Variants in ASS1 observed in about 807,000 individuals in gnomAD.
The protein encoded by ASS1 is argininosuccinate synthase.
A neutral mutation model predicts 60.5 loss-of-function variants in ASS1; 58 were observed. That is an observed-to-expected ratio of 0.96 (90% CI 0.78 to 1.19). The LOEUF is 1.19. ASS1 is among the 50% of genes most tolerant of loss of function. ASS1 has a pLI of 0.00. For synonymous variants in ASS1, 200 were observed against 206.9 expected, an observed-to-expected ratio of 0.97 and a Z score of 0.29; for missense variants, 454 against 547.3, an observed-to-expected ratio of 0.83 and a Z score of 1.70.
rs1257721979 is a variant in ASS1 at position 130,470,989 on chromosome 9, C to A, written c.566+85C>A. The A allele has an allele frequency of 2.7e-6, 4 of 1,484,572 alleles. No individual in the cohort carries two copies. In the African/African-American group the frequency reaches 4.2e-5, roughly 15 times the overall value. The allele number at this position is 1,484,572 out of a possible 1,614,324, so 92.0% of individuals were successfully genotyped here. ...GCGCTGCCCCAGGACGTCCTGGTGA[C>A]CCCCACACCAGTGGTCCCTGCCCTC... On this transcript the variant is annotated intron_variant, in intron 7 of 14. Coordinates refer to ENST00000352480, the MANE Select transcript of ASS1 (RefSeq NM_054012.4). This position sits in a 1 kb window ranked among gnomAD's most constrained non-coding sequence, Gnocchi z 4.3.
At chr9:130,493,021 CCTGT>C (rs1846486595) in intron 12 of ASS1, among the ~76,000 whole-genome samples, 1 of 152,192 alleles carries the variant, frequency 6.6e-6, no homozygotes, top group Admixed American at 6.5e-5. Context: ...CCATCTCCTG[CCTGT>C]CTTCCGGCCT....
intron 12 of ASS1, among the ~76,000 whole-genome samples, chr9:130,492,992 C>A (rs1846486070): frequency 6.6e-6 from 1 of 152,196 alleles, no homozygotes. Flanking sequence ...CCACAGAGAT[C>A]TCTGTCCTAT....
At chr9:130,486,049 C>T (rs921734088) in intron 11 of ASS1, among the ~76,000 whole-genome samples, 3 of 152,078 alleles carry the variant, frequency 2.0e-5, no homozygotes, top group South Asian at 4.2e-4. Context: ...TGCAGTGGTA[C>T]GATCATGACT....
At position 130,454,324 on chromosome 9, in the gene ASS1, A is replaced by G; in HGVS notation, c.125A>G (p.Glu42Gly). ...IAYLANIGQK[E>G]DFEEARKKAL... ...TCTCAGGCCAACATTGGCCAGAAGG[A>G]AGACTTCGAGGAAGCCAGGAAGAAG... The change falls in exon 3 of 15, where the codon GAA (glutamate) becomes GGA (glycine). Residue 42 changes from glutamate (E) to glycine (G), a missense_variant. Coordinates refer to ENST00000352480, the MANE Select transcript of ASS1 (RefSeq NM_054012.4). The G allele has an allele frequency of 1.9e-6, 3 of 1,612,850 alleles. No homozygotes were observed. Among genetic ancestry groups the G allele is most frequent in the Non-Finnish European group, 2.5e-6 (3 of 1,179,740 alleles).
At chr9:130,469,827 G>A (rs142978823) in intron 6 of ASS1, among the ~76,000 whole-genome samples, 3 of 152,280 alleles carry the variant, frequency 2.0e-5, no homozygotes. Context: ...GAGTGGGGTC[G>A]ATCCCATCAG....
chr9:130,457,470 C>CA (rs1233390978), intron 3 of ASS1, among the ~76,000 whole-genome samples: 1 of 151,286 alleles, frequency 6.6e-6, no homozygotes, highest in South Asian at 2.1e-4. Context: ...GACCCTGTCT[C>CA]AAAAAAACAA....
At chr9:130,492,325 G>A (rs1423574919) in intron 12 of ASS1, among the ~76,000 whole-genome samples, 3 of 152,162 alleles carry the variant, frequency 2.0e-5, no homozygotes, top group Non-Finnish European at 4.4e-5. Context: ...TAGCTCCTGG[G>A]TGGAAAGCCC....
intron 7 of ASS1, 145 bp downstream of exon 7, chr9:130,471,049 G>A: frequency 1.1e-6 from 1 of 906,116 alleles, no homozygotes; most frequent in Non-Finnish European, 1.8e-6. Context: ...GACAGAGGTC[G>A]AAGCGCCCGG....
intron 4 of ASS1, among the ~76,000 whole-genome samples, chr9:130,461,931 C>T (rs1036678386): frequency 6.6e-6 from 1 of 152,212 alleles, no homozygotes; most frequent in Non-Finnish European, 1.5e-5. Context: ...ACGGATTGGC[C>T]TGGGATGTGA....
chr9:130,450,133 A>T, intron 1 of ASS1: 1 of 292,558 alleles, frequency 3.4e-6, no homozygotes, highest in Non-Finnish European at 5.1e-6. Context: ...AGGAGGCAGG[A>T]CAGGTGGCTC....
chr9:130,496,373 A>C (rs1350400553), intron 13 of ASS1, among the ~76,000 whole-genome samples: 1 of 151,978 alleles, frequency 6.6e-6, no homozygotes, highest in African/African-American at 2.4e-5. Flanking sequence ...TTGAGCCATG[A>C]TCATGCCACT....
chr9:130,461,797 C>T (rs973979650), intron 4 of ASS1, among the ~76,000 whole-genome samples: 1 of 152,178 alleles, frequency 6.6e-6, no homozygotes, highest in African/African-American at 2.4e-5. Flanking sequence ...AGTAACCACC[C>T]AGCACCACCA....
At chr9:130,487,353 C>G (rs1453791477) in intron 11 of ASS1, among the ~76,000 whole-genome samples, 1 of 151,610 alleles carries the variant, frequency 6.6e-6, no homozygotes, top group Non-Finnish European at 1.5e-5. Context: ...GACTCAGCCT[C>G]CCCAGATCCC....
At chr9:130,466,497 A>G in intron 5 of ASS1, 2 of 599,994 alleles carry the variant, frequency 3.3e-6, no homozygotes, top group African/African-American at 1.8e-5. Flanking sequence ...CCAACACACC[A>G]CCATTCTGCC....
At chr9:130,448,498 A>G (rs1845251361) in intron 1 of ASS1, among the ~76,000 whole-genome samples, 1 of 151,694 alleles carries the variant, frequency 6.6e-6, no homozygotes, top group Non-Finnish European at 1.5e-5. Context: ...GCCCAGCCCC[A>G]GAGGCTGAAG....
chr9:130,484,095 T>C (rs529569), intron 11 of ASS1, among the ~76,000 whole-genome samples: 143,560 of 152,176 alleles, frequency 0.94, 68,230 homozygotes, highest in East Asian at 1. Context: ...CCACCCTGAC[T>C]GGCCTCCCAT....
intron 13 of ASS1, among the ~76,000 whole-genome samples, chr9:130,498,980 G>A (rs1329062677): frequency 6.6e-6 from 1 of 152,218 alleles, no homozygotes; most frequent in Non-Finnish European, 1.5e-5. Flanking sequence ...GATTAGGTAA[G>A]GTCTAACTGG....
intron 11 of ASS1, among the ~76,000 whole-genome samples, chr9:130,487,681 T>G (rs539440226): frequency 6.6e-6 from 1 of 152,266 alleles, no homozygotes; most frequent in African/African-American, 2.4e-5. Context: ...ATACAGTGTT[T>G]GTTTTTGTGC....
intron 6 of ASS1, among the ~76,000 whole-genome samples, chr9:130,469,798 C>T (rs1484320497): frequency 6.6e-6 from 1 of 152,176 alleles, no homozygotes; most frequent in African/African-American, 2.4e-5. Flanking sequence ...TAGAATCTCA[C>T]CATCTTGGGA....
Sources: gnomAD v4.1 joint callset for allele counts (sites outside exome capture counted in the v4.1 genomes callset) on GRCh38, gnomAD v4.1.1 for gene constraint, Gnocchi (gnomAD v3.1) non-coding constraint, MANE v1.5 for transcripts, NCBI Gene and HGNC (gene_info 2026-07-23, HGNC 2026-07-21) for gene names.